KPRP: variants seen among roughly 807,000 people sequenced by gnomAD.
KPRP encodes keratinocyte proline-rich protein.
For missense variants in KPRP, 820 were observed against 746.4 expected (o/e 1.10, Z -1.15); for synonymous variants, 282 against 276.9 (o/e 1.02, Z -0.18).
exon 1 of KPRP, chr1:152,760,720 C>A (rs777255585): frequency 1.9e-6 from 3 of 1,614,050 alleles, no homozygotes; most frequent in Non-Finnish European, 2.5e-6. Context: ...AGAGCCACGT[C>A]CACTCCCAAG....
At chr1:152,758,440 G>A (rs1651007768), upstream of KPRP, among the ~76,000 whole-genome samples, 1 of 152,190 alleles carries the variant, frequency 6.6e-6, no homozygotes, top group Non-Finnish European at 1.5e-5. Context: ...GAAAATAGAA[G>A]GTTTGAACCC....
At chr1:152,759,123 A>G (rs1470493461), upstream of KPRP, among the ~76,000 whole-genome samples, 4 of 152,362 alleles carry the variant, frequency 2.6e-5, no homozygotes, top group East Asian at 3.9e-4. Flanking sequence ...ACGTTCTTAC[A>G]TGTTTGCACA....
exon 1 of KPRP, chr1:152,760,090 C>A (rs759736213): frequency 1.5e-5 from 24 of 1,614,086 alleles, no homozygotes; most frequent in Non-Finnish European, 2.0e-5. Context: ...GTATAGAGGG[C>A]GTCCTGCAGT....
In KPRP at chr1:152,759,617, G is replaced by T. The variant is rs77368440; in HGVS notation, c.29G>T (p.Arg10Leu). Reference sequence around the variant, plus strand: ...TGTGACCAGCAGCAGATCCAGTGCCGCCTGCCGCTCCAACAGTGCTGCGTC... The same window carrying T: ...TGTGACCAGCAGCAGATCCAGTGCCTCCTGCCGCTCCAACAGTGCTGCGTC... The change falls in exon 1 of 1, where the codon CGC (arginine) becomes CTC (leucine). Residue 10 changes from arginine (R) to leucine (L), a missense_variant. Transcript: ENST00000606109. 91 of 1,613,682 alleles carry T rather than the reference G, an allele frequency of 5.6e-5. No homozygotes were observed. Among genetic ancestry groups the T allele is most frequent in the Non-Finnish European group, 7.3e-5 (86 of 1,179,932 alleles).
exon 1 of KPRP, chr1:152,761,346 T>A: frequency 6.2e-7 from 1 of 1,603,798 alleles, no homozygotes; most frequent in Non-Finnish European, 8.5e-7. Flanking sequence ...GTGACTGAGA[T>A]AACCCTCTCT....
chr1:152,760,408 C>A (rs148079077), exon 1 of KPRP: 5 of 1,613,978 alleles, frequency 3.1e-6, no homozygotes, highest in Admixed American at 3.3e-5. Context: ...CCCACCAAGA[C>A]GTTTTGAGCC....
exon 1 of KPRP, chr1:152,760,600 G>A (rs745946948): frequency 6.2e-7 from 1 of 1,608,928 alleles, no homozygotes; most frequent in South Asian, 1.1e-5. Context: ...CCCCAGGCAG[G>A]TTCCCCCACA....
chr1:152,761,684 C>T (rs773067180), exon 1 of KPRP: 3 of 223,098 alleles, frequency 1.3e-5, no homozygotes, highest in Non-Finnish European at 1.9e-5. Flanking sequence ...TCCTCCCCAG[C>T]TTCTGAAATC....
At chr1:152,760,876 C>T (rs1651101163) in exon 1 of KPRP, 1 of 1,614,212 alleles carries the variant, frequency 6.2e-7, no homozygotes, top group Non-Finnish European at 8.5e-7. Flanking sequence ...ACTTTCAGAA[C>T]CTTGTTTGTA....
rs775151584 is a variant in KPRP, at chr1:152,760,717, C to A, written c.1129C>A (p.Arg377Ser). Reference sequence around the variant, plus strand: ...TGAGCTGAGGCCACACGTAGAGCCACGTCCACTCCCAAGCTTCTGTCCACC... The same window carrying A: ...TGAGCTGAGGCCACACGTAGAGCCAAGTCCACTCCCAAGCTTCTGTCCACC... Residue 377 changes from arginine to serine, a missense_variant, in exon 1 of 1, where the codon CGT becomes AGT. Physicochemically the swap from Arg to Ser is moderately radical, Grantham distance 110 (BLOSUM62 -1). Coordinates refer to ENST00000606109, the Ensembl canonical transcript of KPRP. The A allele has an allele frequency of 2.5e-6, 4 of 1,614,000 alleles. No individual in the cohort carries two copies. The South Asian group carries it at 4.4e-5, about 18-fold the overall frequency.
At chr1:152,761,456 T>C in exon 1 of KPRP, 1 of 1,448,956 alleles carries the variant, frequency 6.9e-7, no homozygotes, top group Non-Finnish European at 9.1e-7. Flanking sequence ...ACGAAGGTGA[T>C]GTCCAAACTC....
chr1:152,761,401 C>G (rs191429821), exon 1 of KPRP: 3 of 1,521,956 alleles, frequency 2.0e-6, no homozygotes, highest in African/African-American at 1.4e-5. Context: ...ATTTCCAGTA[C>G]GCTCTTGTTT....
chr1:152,759,853 T>C, exon 1 of KPRP: 2 of 1,614,042 alleles, frequency 1.2e-6, no homozygotes, highest in Non-Finnish European at 1.7e-6. Context: ...TCAATGTCAG[T>C]CTAAGACCAC....
chr1:152,759,640 G>A lies in KPRP; in HGVS notation c.52G>A (p.Val18Ile), dbSNP rs147807095. 1.2e-3 allele frequency: 1,912 copies of A among 1,614,128 alleles called. 33 individuals carry two copies. In the South Asian group the frequency reaches 0.02, roughly 17 times the overall value. The change falls in exon 1 of 1, where the codon GTC becomes ATC. Residue 18 changes from valine to isoleucine, a missense_variant. Physicochemically the swap from Val to Ile is conservative, Grantham distance 29. Transcript: ENST00000606109. Reference sequence around the variant, plus strand: ...CCGCCTGCCGCTCCAACAGTGCTGCGTCAAGGGTCCCTCCTTCTGCTCCTC... The same window carrying A: ...CCGCCTGCCGCTCCAACAGTGCTGCATCAAGGGTCCCTCCTTCTGCTCCTC...
chr1:152,760,079 T>G (rs1159374612), exon 1 of KPRP: 1 of 1,614,070 alleles, frequency 6.2e-7, no homozygotes, highest in Non-Finnish European at 8.5e-7. Flanking sequence ...CCTGTCCAGA[T>G]GTATAGAGGG....
At position 152,760,398 on chromosome 1, in the gene KPRP, C is replaced by G. The variant is rs767483351; in HGVS notation, c.810C>G (p.Ser270=). 6.2e-6 allele frequency: 10 copies of G among 1,614,010 alleles called. No homozygotes were observed. In the East Asian group the frequency reaches 2.2e-4, roughly 36 times the overall value. ...TGCAGCTTTTCCCCCGCAGCTGTTC[C>G]CCACCAAGACGTTTTGAGCCCTGCT... The change falls in exon 1 of 1, where the codon TCC becomes TCG. Residue 270 remains serine (S), a synonymous_variant. Coordinates refer to ENST00000606109, the Ensembl canonical transcript of KPRP.
At chr1:152,761,388 A>G (rs1369662918) in exon 1 of KPRP, 6 of 1,545,788 alleles carry the variant, frequency 3.9e-6, no homozygotes, top group African/African-American at 2.7e-5. Context: ...CTCCTATTCC[A>G]CAATTTCCAG....
In KPRP at chr1:152,761,020, C is replaced by A. The variant is rs777286746; in HGVS notation, c.1432C>A (p.Pro478Thr). The change falls in exon 1 of 1, where the codon CCA (proline) becomes ACA (threonine). Residue 478 changes from proline (P) to threonine (T), a missense_variant. Physicochemically the swap from Pro to Thr is conservative, Grantham distance 38. Transcript: ENST00000606109. The stretch of plus-strand genomic sequence containing the variant: ...CCCAGAGCCTTGTCCACGACCAGAG[C>A]CAATTCCCCTGCCGGCGCCCTGCCC... The A allele has an allele frequency of 7.6e-5, 123 of 1,611,766 alleles. No homozygotes were observed. Among genetic ancestry groups the A allele is most frequent in the Non-Finnish European group, 9.5e-5 (112 of 1,179,998 alleles).
At chr1:152,760,448 C>A in exon 1 of KPRP, 2 of 1,613,938 alleles carry the variant, frequency 1.2e-6, no homozygotes, top group South Asian at 1.1e-5. Flanking sequence ...CCACTAAGAC[C>A]CTCTGAAGGT....
Sources: allele counts gnomAD v4.1 joint callset (sites outside exome capture counted in the v4.1 genomes callset), GRCh38; gene constraint gnomAD v4.1.1; transcripts MANE v1.5; gene names NCBI Gene and HGNC (gene_info 2026-07-23, HGNC 2026-07-21).